The following VPS53 variants were observed in gnomAD, a reference collection of about 807,000 sequenced individuals.
VPS53 encodes vacuolar protein sorting-associated protein 53 homolog.
Under a neutral mutation model 107.0 loss-of-function variants are expected in VPS53, and 70 were observed. The observed-to-expected ratio is 0.65, with a 90% CI of 0.54 to 0.80. The LOEUF (loss-of-function observed/expected upper bound fraction) is 0.80, where lower values mean the gene tolerates loss of function less well. VPS53 is among the 30% of genes least tolerant of loss of function. The probability of loss-of-function intolerance (pLI) is 0.00; values close to 1 mark genes in which losing one functional copy is unlikely to be tolerated. For missense variants in VPS53, 917 were observed against 1,049.4 expected (o/e 0.87, Z 1.74); for synonymous variants, 409 against 393.3 (o/e 1.04, Z -0.47).
chr17:635,129 C>G (rs535971217), intron 7 of VPS53, among the ~76,000 whole-genome samples: 1 of 152,190 alleles, frequency 6.6e-6, no homozygotes, highest in Non-Finnish European at 1.5e-5. Flanking sequence ...TTTTGATTTG[C>G]ATTTCTCTGA....
intron 7 of VPS53, among the ~76,000 whole-genome samples, chr17:642,409 C>A (rs919436732): frequency 2.0e-5 from 3 of 150,554 alleles, no homozygotes; most frequent in Non-Finnish European, 3.0e-5. Context: ...AAACCGAGGA[C>A]AACACTCATA....
intron 11 of VPS53, among the ~76,000 whole-genome samples, chr17:610,318 T>C (rs1258691478): frequency 1.3e-5 from 2 of 152,176 alleles, no homozygotes; most frequent in African/African-American, 2.4e-5. Flanking sequence ...AGAAACAACT[T>C]AAGCTGTGAC....
intron 5 of VPS53, chr17:656,904 T>C (rs548681377): frequency 5.8e-4 from 872 of 1,494,650 alleles, no homozygotes; most frequent in Non-Finnish European, 7.6e-4. Flanking sequence ...CCCTTGCCAA[T>C]AGTGAAAATG....
At position 555,433 on chromosome 17, in the gene VPS53, G is replaced by A. The variant is rs144840443; in HGVS notation, c.1705-1971C>T. 1.6e-3 allele frequency among the ~76,000 whole-genome samples: 247 copies of A among 152,028 alleles called. 1 individual carries two copies. Among genetic ancestry groups the A allele is most frequent in the African/African-American group, 4.3e-3 (177 of 41,480 alleles). On this transcript the variant is annotated intron_variant, in intron 15 of 21. Coordinates refer to ENST00000437048, the MANE Select transcript of VPS53 (RefSeq NM_001128159.3). ...ATGCTGGTCTCAAACTCCTGACCTC[G>A]TGATCTACCCGCCTCAGCCTCCCAA...
intron 11 of VPS53, 114 bp downstream of exon 11, chr17:623,419 C>T: frequency 7.9e-7 from 1 of 1,269,140 alleles, no homozygotes; most frequent in Non-Finnish European, 1.1e-6. Flanking sequence ...GAAATCACTG[C>T]AATGAGGGGT....
At chr17:536,239 C>T (rs531179109) in intron 18 of VPS53, among the ~76,000 whole-genome samples, 1 of 152,214 alleles carries the variant, frequency 6.6e-6, no homozygotes, top group Admixed American at 6.5e-5. Flanking sequence ...CTGGCTTGTG[C>T]ATCCCAATTT....
At chr17:552,008 T>C (rs1048321480) in intron 16 of VPS53, 58 bp from the exon 17 acceptor site, 1 of 1,448,864 alleles carries the variant, frequency 6.9e-7, no homozygotes, top group Non-Finnish European at 9.4e-7. Context: ...TCTGAATGAC[T>C]GACACTCAGG....
Position 521,757 on chromosome 17 carries a change from A to G in VPS53, c.2086-19T>C, listed in dbSNP as rs1280325054. On this transcript the variant is annotated intron_variant, in intron 19 of 21. Coordinates refer to ENST00000437048, the MANE Select transcript of VPS53 (RefSeq NM_001128159.3). ...GCAGCAGCTGTGGAGCAAAGCAGAG[A>G]GCATTACCGGCCCCTTCCAGCGACC... 16 of 1,513,386 alleles carry G rather than the reference A, an allele frequency of 1.1e-5. No homozygotes were observed. Among genetic ancestry groups the G allele is most frequent in the East Asian group, 7.6e-5 (3 of 39,584 alleles). 93.7% of individuals were successfully genotyped at this position (1,513,386 alleles called of 1,614,324 possible).
chr17:604,137 TA>T (rs1968452908), intron 11 of VPS53, among the ~76,000 whole-genome samples: 1 of 152,184 alleles, frequency 6.6e-6, no homozygotes, highest in Non-Finnish European at 1.5e-5. Flanking sequence ...ACCTCACAAT[TA>T]CATAAAGATG....
chr17:633,076 A>C (rs1970028419), intron 7 of VPS53, among the ~76,000 whole-genome samples: 1 of 152,188 alleles, frequency 6.6e-6, no homozygotes. Context: ...TGAGTGTACT[A>C]GGAGCTCAAG....
intron 12 of VPS53, among the ~76,000 whole-genome samples, chr17:597,261 A>G (rs571867082): frequency 1.3e-5 from 2 of 152,228 alleles, no homozygotes; most frequent in South Asian, 2.1e-4. Context: ...TCACCCACAG[A>G]GCCGGCAGAG....
intron 11 of VPS53, among the ~76,000 whole-genome samples, chr17:607,600 C>A (rs571921766): frequency 6.6e-6 from 1 of 152,206 alleles, no homozygotes; most frequent in Non-Finnish European, 1.5e-5. Context: ...CAGAGAATTA[C>A]AACTTTGGGG....
intron 17 of VPS53, chr17:551,660 G>A: frequency 2.8e-6 from 1 of 355,568 alleles, no homozygotes; most frequent in Non-Finnish European, 5.2e-6. Flanking sequence ...CTCCAATACT[G>A]TGATGCTCTG....
chr17:706,185 C>T (rs1275447848), intron 2 of VPS53: 1 of 152,116 alleles, frequency 6.6e-6, no homozygotes, highest in Non-Finnish European at 1.5e-5. Flanking sequence ...ATAAAGATTA[C>T]TATTACAGTT....
intron 13 of VPS53, among the ~76,000 whole-genome samples, chr17:572,228 G>A (rs1306733790): frequency 4.0e-5 from 6 of 150,568 alleles, no homozygotes; most frequent in East Asian, 2.0e-4. Flanking sequence ...GCCTCTGCCC[G>A]GCCGCGACCC....
chr17:629,746 G>T (rs1049537158), intron 8 of VPS53, among the ~76,000 whole-genome samples: 1 of 150,656 alleles, frequency 6.6e-6, no homozygotes, highest in African/African-American at 2.4e-5. Flanking sequence ...CTGGGCAACG[G>T]AGCAAGACTC....
intron 13 of VPS53, among the ~76,000 whole-genome samples, chr17:563,287 C>CTT (rs36076034): frequency 0.014 from 1,400 of 103,078 alleles, no homozygotes; most frequent in African/African-American, 0.015. Flanking sequence ...ACTTCATTTC[C>CTT]TTTTTTTTTT....
At chr17:701,476 C>A (rs963365076) in intron 2 of VPS53, among the ~76,000 whole-genome samples, 2 of 151,846 alleles carry the variant, frequency 1.3e-5, no homozygotes, top group Non-Finnish European at 2.9e-5. Flanking sequence ...CTCCCTGGTT[C>A]AAGCGATTCT....
intron 11 of VPS53, among the ~76,000 whole-genome samples, chr17:619,496 G>C (rs201624172): frequency 7.4e-5 from 10 of 134,544 alleles, no homozygotes; most frequent in African/African-American, 2.9e-4. Flanking sequence ...TATATTTCCC[G>C]GATAGCTGGG....
Sources: gnomAD v4.1 joint callset for allele counts (sites outside exome capture counted in the v4.1 genomes callset) on GRCh38, gnomAD v4.1.1 for gene constraint, MANE v1.5 for transcripts, NCBI Gene and HGNC (gene_info 2026-07-23, HGNC 2026-07-21) for gene names.